ANK3: variants seen among roughly 807,000 people sequenced by gnomAD.
The protein encoded by ANK3 is ankyrin 3.
ANK3 carries 57 observed loss-of-function variants against 370.9 expected under a neutral mutation model. That is an observed-to-expected ratio of 0.15 (90% confidence interval 0.12 to 0.19). ANK3 has a LOEUF of 0.19. Ranked by LOEUF, ANK3 falls within the 10% of genes least tolerant of loss-of-function variation. The pLI, the probability that ANK3 is intolerant of heterozygous loss-of-function variation, is 1.00. For synonymous variants in ANK3, 1,929 were observed against 1,946.3 expected (o/e 0.99, Z 0.23); for missense variants, 4,439 against 5,302.1 (o/e 0.84, Z 5.06).
intron 8 of ANK3, among the ~76,000 whole-genome samples, chr10:60,231,196 C>T (rs2097238599): frequency 6.6e-6 from 1 of 152,200 alleles, no homozygotes; most frequent in Non-Finnish European, 1.5e-5. Context: ...ACTCATCTGC[C>T]TTTCCAGCTG....
At chr10:60,552,026 T>C (rs932229193) in intron 2 of ANK3, among the ~76,000 whole-genome samples, 1 of 152,198 alleles carries the variant, frequency 6.6e-6, no homozygotes, top group African/African-American at 2.4e-5. Flanking sequence ...GTTTGTTAAC[T>C]AAAATTTTGA....
chr10:60,042,844 T>C, intron 42 of ANK3, 85 bp from the exon 43 acceptor site: 1 of 1,586,048 alleles, frequency 6.3e-7, no homozygotes. Context: ...GGAGGCTGGA[T>C]TAGGACAAGC....
rs116639992 is a variant in ANK3, at chr10:60,592,420, T to C, written c.96+22766A>G. Among the ~76,000 whole-genome samples the C allele has an allele frequency of 4.5e-3, 685 of 152,228 alleles. 7 individuals are homozygous for C. The highest frequency in any genetic ancestry group is 0.016 in the African/African-American group (646 of 41,552). The stretch of plus-strand genomic sequence containing the variant: ...AGCCTACTACATGTGAAGCAAGGCA[T>C]GGAGAGATTGGAGAGGAATCAAGTG... On this transcript the variant is annotated intron_variant, in intron 2 of 43. Transcript: ENST00000373827.
At chr10:60,697,502 T>A (rs979081306) in intron 1 of ANK3, among the ~76,000 whole-genome samples, 1 of 149,642 alleles carries the variant, frequency 6.7e-6, no homozygotes, top group Admixed American at 6.7e-5. Context: ...GACTTCAAAC[T>A]ATACTTCAAG....
chr10:60,088,504 C>T, intron 28 of ANK3, 146 bp from the exon 29 acceptor site: 1 of 703,220 alleles, frequency 1.4e-6, no homozygotes. Flanking sequence ...TGGCTCACCA[C>T]AACCTCAGCC....
At chr10:60,470,981 T>C (rs2065204372) in intron 2 of ANK3, among the ~76,000 whole-genome samples, 1 of 152,058 alleles carries the variant, frequency 6.6e-6, no homozygotes, top group Non-Finnish European at 1.5e-5. Context: ...GTCTTTTATC[T>C]CCCCTGGTGC....
chr10:60,600,867 T>C (rs1040467129), intron 2 of ANK3, among the ~76,000 whole-genome samples: 2 of 152,178 alleles, frequency 1.3e-5, no homozygotes, highest in African/African-American at 2.4e-5. Flanking sequence ...TCTACGAATA[T>C]AGATGAGAAC....
chr10:60,137,138 C>G (rs147761314), intron 24 of ANK3, among the ~76,000 whole-genome samples: 3 of 151,752 alleles, frequency 2.0e-5, no homozygotes, highest in Admixed American at 6.6e-5. Context: ...GTAAATTTTG[C>G]GTAAGTAATA....
chr10:60,128,039 C>A (rs2093859689), intron 25 of ANK3, among the ~76,000 whole-genome samples: 1 of 152,032 alleles, frequency 6.6e-6, no homozygotes. Flanking sequence ...TATGTCAGTT[C>A]TTTTTAAAGC....
intron 16 of ANK3, among the ~76,000 whole-genome samples, chr10:60,191,057 T>C (rs559906288): frequency 6.6e-6 from 1 of 152,268 alleles, no homozygotes; most frequent in Non-Finnish European, 1.5e-5. Context: ...ACTGGACCCA[T>C]AACTCTCACC....
chr10:60,187,440 T>C (rs9919486), intron 16 of ANK3, among the ~76,000 whole-genome samples: 37,934 of 152,036 alleles, frequency 0.25, 6,425 homozygotes, highest in African/African-American at 0.48. Flanking sequence ...CAGGCGTGAG[T>C]CACTGCGCCC....
intron 16 of ANK3, among the ~76,000 whole-genome samples, chr10:60,195,404 AAAG>A (rs2096570846): frequency 6.6e-6 from 1 of 151,944 alleles, no homozygotes; most frequent in Non-Finnish European, 1.5e-5. Context: ...AAAAAAAAAA[AAAG>A]GAGAAGGATC....
intron 1 of ANK3, among the ~76,000 whole-genome samples, chr10:60,660,670 T>C (rs1189791247): frequency 6.6e-6 from 1 of 152,076 alleles, no homozygotes; most frequent in Non-Finnish European, 1.5e-5. Context: ...AAAATATTAA[T>C]AGTTCTCTGG....
In ANK3 at chr10:60,075,586, T is replaced by G. The variant is rs924427610; in HGVS notation, c.5295A>C (p.Lys1765Asn). ...GCATTGCAGTCGTGGTAGAAAACAC[T>G]TTCTCAACTGTGTCAGTGGCTGCAC... ...VVSAATDTVE[K>N]VFSTTTAMPF... The change falls in exon 37 of 44, where the codon AAA becomes AAC. Residue 1765 changes from lysine to asparagine, a missense_variant. Coordinates refer to ENST00000280772, the MANE Select transcript of ANK3 (RefSeq NM_020987.5). 1 of 1,613,984 alleles carries G rather than the reference T, an allele frequency of 6.2e-7. No homozygotes were observed. The highest frequency in any genetic ancestry group is 1.3e-5 in the African/African-American group (1 of 74,920).
At chr10:60,403,654 C>A (rs191625614) in intron 2 of ANK3, among the ~76,000 whole-genome samples, 4 of 152,138 alleles carry the variant, frequency 2.6e-5, no homozygotes, top group Non-Finnish European at 5.9e-5. Flanking sequence ...GCGGCGCGAT[C>A]TCGGCTCATT....
At chr10:60,089,950 T>G (rs2087795195) in intron 28 of ANK3, among the ~76,000 whole-genome samples, 1 of 152,102 alleles carries the variant, frequency 6.6e-6, no homozygotes, top group African/African-American at 2.4e-5. Flanking sequence ...AGGAAATCTA[T>G]TTGGAAAAAC....
upstream of ANK3, among the ~76,000 whole-genome samples, chr10:60,392,057 G>C (rs1164484549): frequency 1.3e-5 from 2 of 152,062 alleles, no homozygotes; most frequent in Admixed American, 6.6e-5. Flanking sequence ...AGCCCTGTGG[G>C]TCCTAGGTTT....
chr10:60,339,014 A>G (rs968840646), intron 1 of ANK3, among the ~76,000 whole-genome samples: 8 of 126,950 alleles, frequency 6.3e-5, no homozygotes, highest in African/African-American at 1.8e-4. Context: ...AAAGACAATT[A>G]GCATATACTC....
At chr10:60,030,494 C>A (rs967810075) in intron 43 of ANK3, among the ~76,000 whole-genome samples, 1 of 152,016 alleles carries the variant, frequency 6.6e-6, no homozygotes, top group Non-Finnish European at 1.5e-5. Context: ...CCATGGACAC[C>A]CCCAGGATGA....
Sources: gnomAD v4.1 joint callset for allele counts (sites outside exome capture counted in the v4.1 genomes callset) on GRCh38, gnomAD v4.1.1 for gene constraint, MANE v1.5 for transcripts, NCBI Gene and HGNC (gene_info 2026-07-23, HGNC 2026-07-21) for gene names.